Variants in SLC2A1 observed in about 807,000 individuals in gnomAD.
SLC2A1 encodes solute carrier family 2 member 1.
SLC2A1 carries 4 observed loss-of-function variants against 46.6 expected under a neutral mutation model. The observed-to-expected ratio is 0.09, with a 90% CI of 0.04 to 0.20. SLC2A1 has a LOEUF of 0.20. Among genes scored for constraint, SLC2A1 ranks in the 10% least tolerant of loss-of-function variants. SLC2A1 has a pLI of 1.00. For missense variants in SLC2A1, 352 were observed against 667.0 expected (o/e 0.53, Z 5.20); for synonymous variants, 253 against 270.0 (o/e 0.94, Z 0.62).
intron 2 of SLC2A1, among the ~76,000 whole-genome samples, chr1:42,940,417 C>T (rs577292490): frequency 1.6e-4 from 24 of 152,318 alleles, no homozygotes; most frequent in African/African-American, 4.1e-4. Context: ...TGACAGGCAC[C>T]GTTCTAGGCA....
In SLC2A1 at chr1:42,930,944, G is replaced by A. The variant is rs1258107994; in HGVS notation, c.276-78C>T. On this transcript the variant is annotated intron_variant, in intron 3 of 9. Transcript: ENST00000426263. The surrounding 1 kb of genome is among the most constrained non-coding windows in gnomAD (Gnocchi z 6.2). ...GGGCTGGGTCAGAGGTAATACCCTG[G>A]AACAGGCAGATAAGTCTCCCCTACC... 1 of 1,606,272 alleles carries A rather than the reference G, an allele frequency of 6.2e-7. No individual in the cohort carries two copies. The highest frequency in any genetic ancestry group is 2.2e-5 in the East Asian group (1 of 44,752).
Position 42,929,050 on chromosome 1 carries a change from T to C in SLC2A1, c.973-17A>G, listed in dbSNP as rs111596088. 2,901 of 1,611,250 alleles carry C rather than the reference T, an allele frequency of 1.8e-3. 49 individuals carry two copies. The African/African-American group carries it at 0.034, about 19-fold the overall frequency. ...CACAAACAGCTGTGGGCAGAGACAG[T>C]GTCAGTGCCACCCCTGCCTAGTGCC... On this transcript the variant is annotated splice_polypyrimidine_tract_variant and intron_variant, in intron 7 of 9. Coordinates refer to ENST00000426263, the MANE Select transcript of SLC2A1 (RefSeq NM_006516.4). This position sits in a 1 kb window ranked among gnomAD's most constrained non-coding sequence, Gnocchi z 6.0.
At chr1:42,948,669 C>T (rs1643683681) in intron 1 of SLC2A1, among the ~76,000 whole-genome samples, 2 of 152,172 alleles carry the variant, frequency 1.3e-5, no homozygotes, top group Admixed American at 6.5e-5. Context: ...TGGCTTACAC[C>T]TATAATCCCA....
In SLC2A1 at chr1:42,956,028, ATATGACC is replaced by A. The variant is rs2124475601; in HGVS notation, c.18+2599_18+2605del. Among the ~76,000 whole-genome samples, 2 of 152,264 alleles carry A rather than the reference ATATGACC, an allele frequency of 1.3e-5. 1 individual carries two copies. Among genetic ancestry groups the A allele is most frequent in the East Asian group, 3.9e-4 (2 of 5,184 alleles). ...TCAGATCTTGTGTGAAAGGCAAGCG[ATATGACC>A]TCCCCAGGCCTCTAACATCATGCAC... On this transcript the variant is annotated intron_variant, in intron 1 of 9. Transcript: ENST00000426263.
Position 42,926,771 on chromosome 1 carries a change from G to T in SLC2A1, c.*270C>A. 1.4e-6 allele frequency: 2 copies of T among 1,430,512 alleles called. No individual in the cohort carries two copies. Among genetic ancestry groups the T allele is most frequent in the Non-Finnish European group, 1.8e-6 (2 of 1,086,146 alleles). The allele number at this position is 1,430,512 out of a possible 1,614,324, so 88.6% of individuals were successfully genotyped here. ...TGGGATGTGGGCACAGGAGACTCAG[G>T]CTGATATAAAAATAACAAAATCAGT... is the stretch of plus-strand genomic sequence containing the variant. On this transcript the variant is annotated 3_prime_UTR_variant, in exon 10 of 10. Transcript: ENST00000426263.
At chr1:42,931,930 C>G (rs911638588) in intron 2 of SLC2A1, among the ~76,000 whole-genome samples, 7 of 152,128 alleles carry the variant, frequency 4.6e-5, no homozygotes, top group African/African-American at 1.7e-4. Flanking sequence ...CATCTCCTGC[C>G]ATCAGGCCCT....
Position 42,929,682 on chromosome 1 carries a change from G to A in SLC2A1, c.778C>T (p.Leu260=). 1.2e-6 allele frequency: 2 copies of A among 1,613,788 alleles called. No homozygotes were observed. Among genetic ancestry groups the A allele is most frequent in the Non-Finnish European group, 1.7e-6 (2 of 1,179,896 alleles). ...TAGGCGGGGGAGCGGAACAGCTCCA[G>A]GATGGTGACCTTCTTCTCCCGCATC... The part of the protein sequence containing the change: ...QMMREKKVTI[L]ELFRSPAYRQ... Residue 260 remains leucine (L), a synonymous_variant, in exon 6 of 10, where the codon CTG becomes TTG. Coordinates refer to ENST00000426263, the MANE Select transcript of SLC2A1 (RefSeq NM_006516.4). The surrounding 1 kb of genome is among the most constrained non-coding windows in gnomAD (Gnocchi z 6.0).
Position 42,927,089 on chromosome 1 carries a change from CT to C in SLC2A1, c.1430del (p.Lys477ArgfsTer31). On this transcript the variant is annotated frameshift_variant, in exon 10 of 10. Coordinates refer to ENST00000426263, the MANE Select transcript of SLC2A1 (RefSeq NM_006516.4). LOFTEE classifies it high-confidence loss of function. This position sits in a 1 kb window ranked among gnomAD's most constrained non-coding sequence, Gnocchi z 5.3. ...FRQGGASQSD[K>X]TPEELFHPLG... ...GGGGATGGAACAGCTCCTCGGGTGTCTTGTCACTTTGGCTGGCTCCCCCCTG... is the reference window on the plus strand; with the variant it reads ...GGGGATGGAACAGCTCCTCGGGTGTCTGTCACTTTGGCTGGCTCCCCCCTG... 6.2e-7 allele frequency: 1 copy of C among 1,614,188 alleles called. No individual in the cohort carries two copies. Among genetic ancestry groups the C allele is most frequent in the Non-Finnish European group, 8.5e-7 (1 of 1,180,042 alleles).
intron 1 of SLC2A1, among the ~76,000 whole-genome samples, chr1:42,950,479 T>G (rs1643709246): frequency 6.6e-6 from 1 of 152,220 alleles, no homozygotes; most frequent in Non-Finnish European, 1.5e-5. Flanking sequence ...AAATGGCTCC[T>G]TGGCCATGTG....
intron 1 of SLC2A1, among the ~76,000 whole-genome samples, chr1:42,958,067 A>G (rs935809874): frequency 6.6e-6 from 1 of 152,102 alleles, no homozygotes; most frequent in African/African-American, 2.4e-5. Context: ...ACCGCGGGGG[A>G]CTGGCGGGAG....
In SLC2A1 at chr1:42,929,503, T is replaced by TCTG; in HGVS notation, c.867+87_867+89dup. 1 of 1,336,996 alleles carries TCTG rather than the reference T, an allele frequency of 7.5e-7. No individual in the cohort carries two copies. 82.8% of individuals were successfully genotyped at this position (1,336,996 alleles called of 1,614,324 possible). On this transcript the variant is annotated intron_variant, in intron 6 of 9. Transcript: ENST00000426263. The surrounding 1 kb of genome is among the most constrained non-coding windows in gnomAD (Gnocchi z 6.0). ...GGGAAACTTCTTCGGCAGAGGCGTA[T>TCTG]CTGTTGTTTCAAGTTTGGGACTTGT...
Position 42,958,750 on chromosome 1 carries a change from G to T in SLC2A1, c.-99C>A. On this transcript the variant is annotated 5_prime_UTR_variant, in exon 1 of 10. Transcript: ENST00000426263. ...GCTCAGGCTCGTGCTCCGGTCCGGG[G>T]ACTCCCACTGCGACTCTGACTCCGA... 1.6e-6 allele frequency: 2 copies of T among 1,262,542 alleles called. No homozygotes were observed. Among genetic ancestry groups the T allele is most frequent in the Non-Finnish European group, 2.2e-6 (2 of 907,958 alleles). The allele number at this position is 1,262,542 out of a possible 1,614,324, so 78.2% of individuals were successfully genotyped here. A position where few individuals can be genotyped will look rare whatever the true frequency, so the allele number is the denominator to read the frequency against.
Position 42,930,524 on chromosome 1 carries a change from G to A in SLC2A1, c.516+102C>T, listed in dbSNP as rs1407421094. 1.3e-6 allele frequency: 2 copies of A among 1,502,980 alleles called. No homozygotes were observed. Among genetic ancestry groups the A allele is most frequent in the Non-Finnish European group, 1.8e-6 (2 of 1,095,886 alleles). 93.1% of individuals were successfully genotyped at this position (1,502,980 alleles called of 1,614,324 possible). On this transcript the variant is annotated intron_variant, in intron 4 of 9. Coordinates refer to ENST00000426263, the MANE Select transcript of SLC2A1 (RefSeq NM_006516.4). The surrounding 1 kb of genome is among the most constrained non-coding windows in gnomAD (Gnocchi z 6.2). ...AGTTGTCCTCTGCAAGGCTGTGGGGGCTGGGCGGAAGAGAAACTCTGCCCT... is the reference window on the plus strand; with the variant it reads ...AGTTGTCCTCTGCAAGGCTGTGGGGACTGGGCGGAAGAGAAACTCTGCCCT...
At chr1:42,941,018 T>G (rs561920010) in intron 2 of SLC2A1, among the ~76,000 whole-genome samples, 2 of 152,312 alleles carry the variant, frequency 1.3e-5, no homozygotes, top group Admixed American at 1.3e-4. Flanking sequence ...TAAACCCTTC[T>G]CTGTTGCCCT....
chr1:42,948,023 T>C (rs1570604379), intron 1 of SLC2A1, among the ~76,000 whole-genome samples: 1 of 152,264 alleles, frequency 6.6e-6, no homozygotes, highest in Non-Finnish European at 1.5e-5. Flanking sequence ...GTTCAAATCC[T>C]GACTCTCCTA....
At chr1:42,958,396 C>T (rs1385939475) in intron 1 of SLC2A1, among the ~76,000 whole-genome samples, 1 of 150,710 alleles carries the variant, frequency 6.6e-6, no homozygotes, top group African/African-American at 2.4e-5. Context: ...TCAGTGCCGG[C>T]GCCAACTACG....
At position 42,952,409 on chromosome 1, in the gene SLC2A1, G is replaced by A. The variant is rs377626249; in HGVS notation, c.18+6225C>T. The A allele has an allele frequency of 1.4e-4, 69 of 479,638 alleles. No individual in the cohort carries two copies. In the Middle Eastern group the frequency reaches 1.7e-3, roughly 12 times the overall value. The allele number at this position is 479,638 out of a possible 1,614,324, so 29.7% of individuals were successfully genotyped here. A position where few individuals can be genotyped will look rare whatever the true frequency, so the allele number is the denominator to read the frequency against. On this transcript the variant is annotated intron_variant, in intron 1 of 9. Transcript: ENST00000426263. The stretch of plus-strand genomic sequence containing the variant: ...GATTCCCGTAGAGGCTGATGCAGTC[G>A]ATCAGCGAGTTGGGGATAAGGACTT...
intron 2 of SLC2A1, among the ~76,000 whole-genome samples, chr1:42,936,840 A>C (rs1258821956): frequency 3.9e-5 from 6 of 152,040 alleles, no homozygotes; most frequent in Non-Finnish European, 1.5e-5. Context: ...CTTTCAGAAC[A>C]TGCACAGATA....
At position 42,927,030 on chromosome 1, in the gene SLC2A1, T is replaced by G. The variant is rs377124350; in HGVS notation, c.*11A>C. Reference sequence around the variant, plus strand: ...TGCTGGGAGCAGGCCGGGCTGGTGATCTGGGGCGACTCACACTTGGGAATC... The same window carrying G: ...TGCTGGGAGCAGGCCGGGCTGGTGAGCTGGGGCGACTCACACTTGGGAATC... On this transcript the variant is annotated 3_prime_UTR_variant, in exon 10 of 10. Coordinates refer to ENST00000426263, the MANE Select transcript of SLC2A1 (RefSeq NM_006516.4). This position sits in a 1 kb window ranked among gnomAD's most constrained non-coding sequence, Gnocchi z 5.3. 1 of 1,612,976 alleles carries G rather than the reference T, an allele frequency of 6.2e-7. No individual in the cohort carries two copies. Among genetic ancestry groups the G allele is most frequent in the Non-Finnish European group, 8.5e-7 (1 of 1,179,054 alleles).
Sources: gnomAD v4.1 joint callset for allele counts (sites outside exome capture counted in the v4.1 genomes callset) on GRCh38, gnomAD v4.1.1 for gene constraint, Gnocchi (gnomAD v3.1) non-coding constraint, MANE v1.5 for transcripts, NCBI Gene and HGNC (gene_info 2026-07-23, HGNC 2026-07-21) for gene names.